PSG4: variants seen among roughly 807,000 people sequenced by gnomAD.
PSG4 encodes pregnancy specific beta-1-glycoprotein 4.
PSG4 carries 61 observed loss-of-function variants against 44.3 expected under a neutral mutation model. The observed-to-expected ratio is 1.38, with a 90% CI of 1.12 to 1.70. The LOEUF (loss-of-function observed/expected upper bound fraction) is 1.70, where lower values mean the gene tolerates loss of function less well. Ranked by LOEUF, PSG4 falls within the 40% of genes most tolerant of loss-of-function variation. The pLI is 0.00. For missense variants in PSG4, 677 were observed against 511.7 expected (o/e 1.32, Z -3.12); for synonymous variants, 248 against 191.3 (o/e 1.30, Z -2.45).
At position 43,203,870 on chromosome 19, in the gene PSG4, A is replaced by G. The variant is rs913533709; in HGVS notation, c.430+16T>C. On this transcript the variant is annotated intron_variant, in intron 2 of 5. Transcript: ENST00000405312. ...CCCTGTCCCCCAACACCCAGGGATC[A>G]TGTGGAATCACTCACGGTGTAAGGT... The G allele has an allele frequency of 5.1e-6, 8 of 1,573,802 alleles. No homozygotes were observed. Among genetic ancestry groups the G allele is most frequent in the Non-Finnish European group, 6.9e-6 (8 of 1,165,496 alleles).
intron 2 of PSG4, among the ~76,000 whole-genome samples, chr19:43,200,477 C>T (rs1255631525): frequency 6.9e-6 from 1 of 145,220 alleles, no homozygotes; most frequent in Non-Finnish European, 1.5e-5. Context: ...TTTCCTGTTT[C>T]AGTTTTGGAA....
Position 43,198,058 on chromosome 19 carries a change from T to C in PSG4, c.648A>G (p.Glu216=), listed in dbSNP as rs1246908760. Residue 216 remains glutamate, a synonymous_variant, in exon 3 of 6, where the codon GAA becomes GAG. Transcript: ENST00000405312. The part of the protein sequence containing the change: ...GVTKYIAGPY[E]CEIRNPVSAS... ...CACTCACTGGGTTCCGTATTTCACA[T>C]TCATAGGGTCCTGCAATATACTTTG... 2.5e-6 allele frequency: 4 copies of C among 1,587,674 alleles called. No individual in the cohort carries two copies. The South Asian group carries it at 4.4e-5, about 18-fold the overall frequency.
chr19:43,203,731 T>C, intron 2 of PSG4, 155 bp downstream of exon 2: 2 of 1,320,328 alleles, frequency 1.5e-6, no homozygotes, highest in South Asian at 1.4e-5. Flanking sequence ...TTGAAATTTG[T>C]CTCCTCTGTG....
Position 43,205,606 on chromosome 19 carries a change from T to A in PSG4, c.-70A>T, listed in dbSNP as rs1967753661. On this transcript the variant is annotated 5_prime_UTR_variant, in exon 1 of 6. Transcript: ENST00000405312. Reference sequence around the variant, plus strand: ...GATCCAGAAGCTTCCTGAGTACGGCTGTCAGCTGTGCTGTCCTTCCTCCTT... The same window carrying A: ...GATCCAGAAGCTTCCTGAGTACGGCAGTCAGCTGTGCTGTCCTTCCTCCTT... 2.8e-6 allele frequency: 4 copies of A among 1,431,638 alleles called. No individual in the cohort carries two copies. Among genetic ancestry groups the A allele is most frequent in the Non-Finnish European group, 3.7e-6 (4 of 1,068,648 alleles). 88.7% of individuals were successfully genotyped at this position (1,431,638 alleles called of 1,614,324 possible).
In PSG4 at chr19:43,194,175, T is replaced by G. The variant is rs919379738; in HGVS notation, c.1243+165A>C. ...AAGATATCAGCCTGTTTGTTAAAGT[T>G]TTGGAAGTTCTTAGACAAATTGGGA... On this transcript the variant is annotated intron_variant, in intron 5 of 5. Coordinates refer to ENST00000405312, the MANE Select transcript of PSG4 (RefSeq NM_002780.5). The G allele has an allele frequency of 1.0e-5, 16 of 1,526,850 alleles. 1 individual carries two copies. The highest frequency in any genetic ancestry group is 1.4e-5 in the Non-Finnish European group (16 of 1,140,220). The allele number at this position is 1,526,850 out of a possible 1,614,324, so 94.6% of individuals were successfully genotyped here.
chr19:43,196,288 T>G (rs1174250083), intron 3 of PSG4, among the ~76,000 whole-genome samples: 1 of 151,588 alleles, frequency 6.6e-6, no homozygotes, highest in African/African-American at 2.4e-5. Flanking sequence ...AGAGTGAATA[T>G]GAGAAGAGAC....
At chr19:43,202,414 G>C (rs949949225) in intron 2 of PSG4, among the ~76,000 whole-genome samples, 1 of 144,612 alleles carries the variant, frequency 6.9e-6, no homozygotes, top group African/African-American at 2.7e-5. Flanking sequence ...ATGAAACGTG[G>C]GTGTCAGCCT....
rs752591380 is a variant in PSG4 at position 43,194,366 on chromosome 19, G to T, written c.1217C>A (p.Ser406Tyr). The T allele has an allele frequency of 6.8e-5, 110 of 1,612,324 alleles. 3 individuals carry two copies. Among genetic ancestry groups the T allele is most frequent in the Non-Finnish European group, 8.8e-5 (104 of 1,179,126 alleles). Residue 406 changes from serine (S) to tyrosine (Y), a missense_variant, in exon 5 of 6, where the codon TCC (serine) becomes TAC (tyrosine). Physicochemically the swap from Ser to Tyr is moderately radical, Grantham distance 144. Transcript: ENST00000405312. ...AGAGACTTTGACTGTGATGGATTTG[G>T]AGCTTTCCTTGCCAGTGGCTGAGTT... The part of the protein sequence containing the change: ...VRNSATGKES[S>Y]KSITVKVSDW...
rs375824745 is a variant in PSG4 at position 43,197,969 on chromosome 19, G to C, written c.709+28C>G. The C allele has an allele frequency of 3.7e-5, 58 of 1,587,514 alleles. 4 individuals are homozygous for C. In the Middle Eastern group the frequency reaches 6.7e-4, roughly 18 times the overall value. ...CCATGTGTATTTGGGATGGCAGCCTGGCTCACAGAGGAACAGAGGATACTC... is the reference window on the plus strand; with the variant it reads ...CCATGTGTATTTGGGATGGCAGCCTCGCTCACAGAGGAACAGAGGATACTC... On this transcript the variant is annotated intron_variant, in intron 3 of 5. Transcript: ENST00000405312.
rs141508635 is a variant in PSG4 at position 43,205,485 on chromosome 19, C to G, written c.52G>C (p.Val18Leu). 247,340 of 1,547,550 alleles carry G rather than the reference C, an allele frequency of 0.16. 35,150 individuals carry two copies. The highest frequency in any genetic ancestry group is 0.24 in the Admixed American group (13,679 of 57,310). ...PCTQRITWKG[V>L]LLTASLLNFW... ...GTTCTCTCCTCACCTGTGAGCAGGA[C>G]CCCCTTCCAGGTGATGCGCTGTGTG... The change falls in exon 1 of 6, where the codon GTC (valine) becomes CTC (leucine). Residue 18 changes from valine to leucine, a missense_variant. Physicochemically the swap from Val to Leu is conservative, Grantham distance 32 (BLOSUM62 1). Transcript: ENST00000405312.
At position 43,202,647 on chromosome 19, in the gene PSG4, G is replaced by A. The variant is rs1247238151; in HGVS notation, c.430+1239C>T. Among the ~76,000 whole-genome samples the A allele has an allele frequency of 4.2e-4, 60 of 143,740 alleles. 3 individuals carry two copies. Among genetic ancestry groups the A allele is most frequent in the African/African-American group, 1.6e-3 (58 of 36,784 alleles). The allele number at this position is 143,740 out of a possible 152,430, so 94.3% of individuals were successfully genotyped here. ...TGATCTTCTCATGACAGTGACATGG[G>A]CACTTTGGGAAACACAGGATTTCAA... On this transcript the variant is annotated intron_variant, in intron 2 of 5. Coordinates refer to ENST00000405312, the MANE Select transcript of PSG4 (RefSeq NM_002780.5).
intron 5 of PSG4, 62 bp downstream of exon 5, chr19:43,194,278 C>T (rs1375316666): frequency 3.1e-6 from 5 of 1,610,412 alleles, no homozygotes; most frequent in African/African-American, 2.7e-5. Context: ...CCTCACTCTT[C>T]CCTGAATGCC....
rs185481097 is a variant in PSG4, at chr19:43,200,594, G to C, written c.431-2319C>G. Among the ~76,000 whole-genome samples the C allele has an allele frequency of 1.0e-4, 14 of 138,118 alleles. 3 individuals carry two copies. Among genetic ancestry groups the C allele is most frequent in the African/African-American group, 4.0e-4 (14 of 34,724 alleles). 90.6% of individuals were successfully genotyped at this position (138,118 alleles called of 152,430 possible). The stretch of plus-strand genomic sequence containing the variant: ...ATTTCTCTAACAGCATTTTTTTTCT[G>C]AGACAGAGTCTCGCTCTGTTGCCCA... On this transcript the variant is annotated intron_variant, in intron 2 of 5. Coordinates refer to ENST00000405312, the MANE Select transcript of PSG4 (RefSeq NM_002780.5).
intron 3 of PSG4, among the ~76,000 whole-genome samples, chr19:43,197,583 G>T (rs1212858778): frequency 1.5e-5 from 2 of 137,244 alleles, no homozygotes; most frequent in African/African-American, 2.9e-5. Flanking sequence ...AAATGGTGGG[G>T]GCATCCAGGC....
chr19:43,205,379 T>C, intron 1 of PSG4, 94 bp downstream of exon 1: 3 of 1,378,306 alleles, frequency 2.2e-6, no homozygotes, highest in Non-Finnish European at 2.9e-6. Context: ...AGTGCTGGCT[T>C]CTTTCATTTT....
rs1967637370 is a variant in PSG4 at position 43,203,960 on chromosome 19, G to GACTTAC, written c.355_356insGTAAGT (p.Gly118_Ser119insCysLys). 1 of 1,587,472 alleles carries GACTTAC rather than the reference G, an allele frequency of 6.3e-7. No homozygotes were observed. The highest frequency in any genetic ancestry group is 8.5e-7 in the Non-Finnish European group (1 of 1,171,598). On this transcript the variant is annotated inframe_insertion, in exon 2 of 6. Coordinates refer to ENST00000405312, the MANE Select transcript of PSG4 (RefSeq NM_002780.5). ...TCGCTTTATGATGTGTAAGGTGTAG[G>GACTTAC]ATCCTGCATCCTCCTGCGTGACATT... is the stretch of plus-strand genomic sequence containing the variant.
chr19:43,204,447 A>AC (rs1967666752), intron 1 of PSG4, 196 bp from the exon 2 acceptor site: 2 of 791,040 alleles, frequency 2.5e-6, no homozygotes, highest in Non-Finnish European at 3.7e-6. Flanking sequence ...CAGCAGCATG[A>AC]CCCCCATTCC....
In PSG4 at chr19:43,194,612, A is replaced by T. The variant is rs1967153746; in HGVS notation, c.989-18T>A. 1 of 1,600,618 alleles carries T rather than the reference A, an allele frequency of 6.2e-7. No homozygotes were observed. The highest frequency in any genetic ancestry group is 8.5e-7 in the Non-Finnish European group (1 of 1,172,134). On this transcript the variant is annotated intron_variant, in intron 4 of 5. Transcript: ENST00000405312. ...TGGACCATCTGGCGCAAAGAGAATA[A>T]AGCCATAGGTGATGTCATCCGAGGG...
chr19:43,194,676 C>A lies in PSG4; in HGVS notation c.989-82G>T, dbSNP rs1967157701. 8 of 1,531,680 alleles carry A rather than the reference C, an allele frequency of 5.2e-6. No homozygotes were observed. The East Asian group carries it at 1.8e-4, about 35-fold the overall frequency. 94.9% of individuals were successfully genotyped at this position (1,531,680 alleles called of 1,614,324 possible). A position where few individuals can be genotyped will look rare whatever the true frequency, so the allele number is the denominator to read the frequency against. On this transcript the variant is annotated intron_variant, in intron 4 of 5. Transcript: ENST00000405312. ...TGGTCTCTTAAAGGGACACAGTTAC[C>A]CTCTAAGCCAAGACACACCTTCAAG...
Sources: gnomAD v4.1 joint callset for allele counts (sites outside exome capture counted in the v4.1 genomes callset) on GRCh38, gnomAD v4.1.1 for gene constraint, MANE v1.5 for transcripts, NCBI Gene and HGNC (gene_info 2026-07-23, HGNC 2026-07-21) for gene names.